The following PLXNA1 variants were observed in gnomAD, a reference collection of about 807,000 sequenced individuals.
PLXNA1 encodes the protein plexin-A1.
PLXNA1 carries 77 observed loss-of-function variants against 191.7 expected under a neutral mutation model. That is an observed-to-expected ratio of 0.40 (90% CI 0.33 to 0.49). The LOEUF is 0.49. Among genes scored for constraint, PLXNA1 ranks in the 20% least tolerant of loss-of-function variants. The pLI is 0.63. For synonymous variants in PLXNA1, 1,137 were observed against 1,156.4 expected (o/e 0.98, Z 0.34); for missense variants, 2,110 against 2,660.2 (o/e 0.79, Z 4.55).
At chr3:127,024,411 T>C (rs1034066370) in intron 23 of PLXNA1, among the ~76,000 whole-genome samples, 3 of 151,974 alleles carry the variant, frequency 2.0e-5, no homozygotes, top group African/African-American at 7.3e-5. Context: ...GCCGGGGACA[T>C]TTGGGACAGG....
intron 1 of PLXNA1, among the ~76,000 whole-genome samples, chr3:126,986,408 T>C: frequency 6.6e-6 from 1 of 152,182 alleles, no homozygotes. Flanking sequence ...CAGCCAAAGC[T>C]CTTTGCTTCT....
At chr3:127,030,955 C>T (rs999476005) in intron 29 of PLXNA1, among the ~76,000 whole-genome samples, 3 of 152,184 alleles carry the variant, frequency 2.0e-5, no homozygotes, top group East Asian at 1.9e-4. Context: ...CACAGCTACA[C>T]CAATGTGAGC....
Position 127,014,058 on chromosome 3 carries a change from G to A in PLXNA1, c.2352G>A (p.Val784=). The A allele has an allele frequency of 1.9e-6, 3 of 1,613,986 alleles. No homozygotes were observed. Among genetic ancestry groups the A allele is most frequent in the Non-Finnish European group, 2.5e-6 (3 of 1,179,996 alleles). ...YEGNDVSDLP[V]NLSVVWNGNF... ...GGAACGATGTCAGCGACCTGCCAGT[G>A]AACCTGTCAGTCGTGTGGAACGGCA... Residue 784 remains valine (V), a synonymous_variant, in exon 11 of 32, where the codon GTG becomes GTA. Coordinates refer to ENST00000393409, the MANE Select transcript of PLXNA1 (RefSeq NM_032242.4).
In PLXNA1 at chr3:127,016,683, A is replaced by T. The variant is rs765970390; in HGVS notation, c.3181A>T (p.Ser1061Cys). 1.9e-6 allele frequency: 3 copies of T among 1,613,928 alleles called. No homozygotes were observed. Among genetic ancestry groups the T allele is most frequent in the Non-Finnish European group, 1.7e-6 (2 of 1,179,928 alleles). The change falls in exon 16 of 32, where the codon AGC (serine) becomes TGC (cysteine). Residue 1061 changes from serine to cysteine, a missense_variant and splice_region_variant. This residue lies in a region of PLXNA1 where 644 missense variants were observed against 714.3 expected (regional missense o/e 0.90). Coordinates refer to ENST00000393409, the MANE Select transcript of PLXNA1 (RefSeq NM_032242.4). ...GATCGACCCCGAGTGGAGCATCAAC[A>T]GGTGGGGCCCAGCAACACCCATTCC... ...LRIDPEWSINSGGTLLTVTGT... is the reference protein window; with the variant it reads ...LRIDPEWSINCGGTLLTVTGT...
chr3:127,014,673 C>G, intron 13 of PLXNA1, 38 bp from the exon 14 acceptor site: 1 of 1,578,420 alleles, frequency 6.3e-7, no homozygotes, highest in South Asian at 1.1e-5. Context: ...CGGGACGGGG[C>G]GGGGCTCCTG....
At chr3:127,024,087 A>G (rs1008117887) in intron 23 of PLXNA1, among the ~76,000 whole-genome samples, 5 of 152,216 alleles carry the variant, frequency 3.3e-5, no homozygotes, top group Admixed American at 3.3e-4. Context: ...TGAAGACTGC[A>G]TAGTATGTGT....
At chr3:126,988,030 C>A (rs1038876774) in intron 1 of PLXNA1, among the ~76,000 whole-genome samples, 2 of 152,162 alleles carry the variant, frequency 1.3e-5, no homozygotes, top group Non-Finnish European at 2.9e-5. Context: ...TAAAGCCCAT[C>A]TATGTCAAGC....
chr3:127,009,190 G>A (rs2079083689), intron 9 of PLXNA1, among the ~76,000 whole-genome samples: 1 of 151,852 alleles, frequency 6.6e-6, no homozygotes, highest in Non-Finnish European at 1.5e-5. Context: ...CAGCACAGTG[G>A]TCGTCAGGGG....
At position 127,015,223 on chromosome 3, in the gene PLXNA1, C is replaced by CT; in HGVS notation, c.2918dup (p.Ser974ValfsTer18). ...CCGTGTGAGCCCCTCCCGTGGGCCT[C>CT]TGTCAGGGGGCACCTGGATTGGCAT... On this transcript the variant is annotated frameshift_variant, in exon 15 of 32. Coordinates refer to ENST00000393409, the MANE Select transcript of PLXNA1 (RefSeq NM_032242.4). LOFTEE classifies it high-confidence loss of function. The CT allele has an allele frequency of 6.2e-7, 1 of 1,613,562 alleles. No homozygotes were observed. Among genetic ancestry groups the CT allele is most frequent in the Non-Finnish European group, 8.5e-7 (1 of 1,179,890 alleles).
chr3:126,997,142 C>T (rs1405917018), intron 3 of PLXNA1, among the ~76,000 whole-genome samples: 1 of 152,208 alleles, frequency 6.6e-6, no homozygotes, highest in African/African-American at 2.4e-5. Flanking sequence ...CCTCATGTTG[C>T]GTGTTTCAAG....
At chr3:127,027,469 C>G in intron 23 of PLXNA1, 1 of 362,162 alleles carries the variant, frequency 2.8e-6, no homozygotes, top group South Asian at 2.1e-5. Flanking sequence ...GGATCACAGT[C>G]ACACTTGGAG....
chr3:127,030,431 A>C lies in PLXNA1; in HGVS notation c.5231+19A>C, dbSNP rs769432930. ...GCAACTGGTAATGCAGGGCAGGGGG[A>C]GGAGGGGCATCCCCCAGGGCCAGGC... On this transcript the variant is annotated intron_variant, in intron 29 of 31. Transcript: ENST00000393409. The C allele has an allele frequency of 1.2e-6, 2 of 1,612,200 alleles. No homozygotes were observed. Among genetic ancestry groups the C allele is most frequent in the Non-Finnish European group, 1.7e-6 (2 of 1,179,390 alleles).
rs370552319 is a variant in PLXNA1, at chr3:126,989,080, G to C, written c.487G>C (p.Val163Leu). The C allele has an allele frequency of 6.2e-7, 1 of 1,613,402 alleles. No homozygotes were observed. Among genetic ancestry groups the C allele is most frequent in the Non-Finnish European group, 8.5e-7 (1 of 1,180,026 alleles). The change falls in exon 2 of 32, where the codon GTG (valine) becomes CTG (leucine). Residue 163 changes from valine (V) to leucine (L), a missense_variant. Val to Leu is a conservative substitution (Grantham distance 32). Transcript: ENST00000393409. ...CCGTAAGGAGCACTACCTGTCCAGCGTGCAGGAGGCAGGCAGCATGGCGGG... is the reference window on the plus strand; with the variant it reads ...CCGTAAGGAGCACTACCTGTCCAGCCTGCAGGAGGCAGGCAGCATGGCGGG... ...HHRKEHYLSS[V>L]QEAGSMAGVL... is the part of the protein sequence containing the mutation.
intron 1 of PLXNA1, among the ~76,000 whole-genome samples, chr3:126,984,886 A>G (rs935821941): frequency 9.2e-5 from 14 of 152,200 alleles, no homozygotes; most frequent in Admixed American, 6.5e-5. Context: ...CTGCAAAGGT[A>G]GGCACTTTTT....
chr3:127,027,496 C>G, intron 23 of PLXNA1: 1 of 368,526 alleles, frequency 2.7e-6, no homozygotes, highest in Non-Finnish European at 5.3e-6. Context: ...AGTATGGGGT[C>G]CGCTTGTGCC....
At chr3:127,005,953 G>A (rs189451435) in intron 7 of PLXNA1, 126 bp from the exon 8 acceptor site, 16 of 749,154 alleles carry the variant, frequency 2.1e-5, no homozygotes, top group East Asian at 7.4e-5. Context: ...GGCTGGATGC[G>A]TGTTTGATGC....
At chr3:127,027,769 C>T (rs1371446103) in intron 23 of PLXNA1, 171 bp from the exon 24 acceptor site, 3 of 830,920 alleles carry the variant, frequency 3.6e-6, no homozygotes, top group Non-Finnish European at 6.0e-6. Context: ...GATTTTCTTG[C>T]AGTCTCTGCT....
rs2078939435 is a variant in PLXNA1 at position 126,983,233 on chromosome 3, CGCGGGCGGCTGGGCGCGGCGATG to C, written c.-125_-103del. On this transcript the variant is annotated 5_prime_UTR_variant, in exon 1 of 32. The change abolishes an upstream ATG in the 5' untranslated region. Transcript: ENST00000393409. Reference sequence around the variant, plus strand: ...GCGGCGGGGCGGACGGCGGCGGCGGCGCGGGCGGCTGGGCGCGGCGATGGCCGGCGGCGGGGCGCGCCCCGGGG... The same window carrying C: ...GCGGCGGGGCGGACGGCGGCGGCGGCGCCGGCGGCGGGGCGCGCCCCGGGG... Among the ~76,000 whole-genome samples, 2 of 142,514 alleles carry C rather than the reference CGCGGGCGGCTGGGCGCGGCGATG, an allele frequency of 1.4e-5. No homozygotes were observed. The highest frequency in any genetic ancestry group is 5.0e-5 in the African/African-American group (2 of 39,648). The allele number at this position is 142,514 out of a possible 152,430, so 93.5% of individuals were successfully genotyped here. A position where few individuals can be genotyped will look rare whatever the true frequency, so the allele number is the denominator to read the frequency against.
chr3:127,029,125 A>G (rs377332640), intron 26 of PLXNA1, 29 bp downstream of exon 26: 141 of 1,556,022 alleles, frequency 9.1e-5, no homozygotes, highest in African/African-American at 2.7e-5. Flanking sequence ...ACCCTAGCAC[A>G]GGCCTCCCTC....
Sources: gnomAD v4.1 joint callset for allele counts (sites outside exome capture counted in the v4.1 genomes callset) on GRCh38, gnomAD v4.1.1 for gene constraint, gnomAD v4.1.1 regional missense constraint, MANE v1.5 for transcripts, NCBI Gene and HGNC (gene_info 2026-07-23, HGNC 2026-07-21) for gene names.